TRDN: variants seen among roughly 807,000 people sequenced by gnomAD.
TRDN encodes the protein triadin.
Under a neutral mutation model 149.7 loss-of-function variants are expected in TRDN, and 161 were observed. The observed-to-expected ratio is 1.08, with a 90% confidence interval of 0.95 to 1.23. The LOEUF is 1.23. Ranked by LOEUF, TRDN falls within the 50% of genes most tolerant of loss-of-function variation. The pLI, the probability that TRDN is intolerant of heterozygous loss-of-function variation, is 0.00. For missense variants in TRDN, 896 were observed against 823.5 expected, an observed-to-expected ratio of 1.09 and a Z score of -1.08; for synonymous variants, 294 against 250.5, an observed-to-expected ratio of 1.17 and a Z score of -1.64.
At chr6:123,407,156 A>G (rs1327564100) in intron 12 of TRDN, among the ~76,000 whole-genome samples, 1 of 152,172 alleles carries the variant, frequency 6.6e-6, no homozygotes, top group African/African-American at 2.4e-5. Context: ...CGGGCAAGCT[A>G]TAGTGTCTGT....
intron 1 of TRDN, among the ~76,000 whole-genome samples, chr6:123,619,868 A>T (rs79936304): frequency 0.014 from 2,163 of 152,292 alleles, 22 homozygotes; most frequent in Non-Finnish European, 0.022. Flanking sequence ...AGATAAAAAA[A>T]CAGAACCCTG....
intron 27 of TRDN, 140 bp downstream of exon 27, chr6:123,274,501 T>G (rs1777305244): frequency 3.1e-6 from 2 of 646,164 alleles, no homozygotes; most frequent in Admixed American, 6.5e-5. Flanking sequence ...AAAATCATGT[T>G]GAGCAATGGA....
chr6:123,274,589 A>G (rs1777309412), intron 27 of TRDN, 52 bp downstream of exon 27: 2 of 1,516,790 alleles, frequency 1.3e-6, no homozygotes, highest in African/African-American at 2.8e-5. Flanking sequence ...AGTACTTAAT[A>G]AAATAAAGAT....
At chr6:123,543,995 A>G (rs1008616681) in intron 4 of TRDN, among the ~76,000 whole-genome samples, 1 of 152,070 alleles carries the variant, frequency 6.6e-6, no homozygotes, top group Admixed American at 6.6e-5. Flanking sequence ...ACATCCTGTA[A>G]TATATTAACC....
intron 4 of TRDN, among the ~76,000 whole-genome samples, chr6:123,545,936 A>G (rs1024777557): frequency 2.6e-5 from 4 of 152,166 alleles, no homozygotes; most frequent in African/African-American, 7.2e-5. Context: ...ATATCAATTT[A>G]TGAAAAACAT....
intron 4 of TRDN, among the ~76,000 whole-genome samples, chr6:123,545,666 G>A (rs1052695174): frequency 9.2e-5 from 14 of 151,914 alleles, no homozygotes; most frequent in Admixed American, 5.9e-4. Flanking sequence ...TAGTGCACAT[G>A]TGTTGAAGGA....
chr6:123,433,476 G>C (rs928053866), intron 12 of TRDN, among the ~76,000 whole-genome samples: 2 of 151,852 alleles, frequency 1.3e-5, no homozygotes, highest in Non-Finnish European at 2.9e-5. Flanking sequence ...TCAGCACCTA[G>C]TACAAAGCTT....
chr6:123,420,498 T>C lies in TRDN; in HGVS notation c.1051+17565A>G, dbSNP rs1462800536. 6.6e-5 allele frequency among the ~76,000 whole-genome samples: 10 copies of C among 152,298 alleles called. No individual in the cohort carries two copies. In the East Asian group the frequency reaches 1.9e-3, roughly 29 times the overall value. On this transcript the variant is annotated intron_variant, in intron 12 of 40. Coordinates refer to ENST00000334268, the MANE Select transcript of TRDN (RefSeq NM_006073.4). ...TTAATAGGTTTTATCTGCAATGTGT[T>C]TGAAAAGCTAATTAAGACTCCACAT...
At chr6:123,603,108 GAAC>G (rs1331628115) in intron 1 of TRDN, among the ~76,000 whole-genome samples, 2 of 41,374 alleles carry the variant, frequency 4.8e-5, no homozygotes, top group Admixed American at 8.0e-4. Context: ...ATAAATCAAA[GAAC>G]TACTGAAATC....
At chr6:123,263,538 G>A (rs1190449197) in intron 33 of TRDN, among the ~76,000 whole-genome samples, 4 of 152,022 alleles carry the variant, frequency 2.6e-5, no homozygotes, top group African/African-American at 4.8e-5. Context: ...GCCTTCTAGG[G>A]AGGATCACTT....
At chr6:123,525,703 A>T (rs4897273) in intron 5 of TRDN, among the ~76,000 whole-genome samples, 68,486 of 151,742 alleles carry the variant, frequency 0.45, 16,059 homozygotes, top group Admixed American at 0.57. Flanking sequence ...AAAGTTTTTT[A>T]AAAAAAACTT....
At chr6:123,522,337 T>A (rs1779722228) in intron 5 of TRDN, among the ~76,000 whole-genome samples, 1 of 152,066 alleles carries the variant, frequency 6.6e-6, no homozygotes, top group Admixed American at 6.6e-5. Context: ...TAAATTGACA[T>A]GTCTATTAGT....
intron 5 of TRDN, chr6:123,529,075 A>G: frequency 7.0e-7 from 1 of 1,436,184 alleles, no homozygotes; most frequent in East Asian, 2.5e-5. Context: ...ATTCTAATAT[A>G]GCCAGGTCCA....
intron 1 of TRDN, among the ~76,000 whole-genome samples, chr6:123,616,724 T>C (rs1036279023): frequency 4.6e-5 from 7 of 152,224 alleles, no homozygotes; most frequent in African/African-American, 1.7e-4. Context: ...CTGATACAAC[T>C]TGCTTTCCTG....
chr6:123,625,892 T>G (rs1034052389), intron 1 of TRDN, among the ~76,000 whole-genome samples: 1 of 152,108 alleles, frequency 6.6e-6, no homozygotes, highest in African/African-American at 2.4e-5. Flanking sequence ...AAGGTTGGAG[T>G]GGCTGAAGCA....
chr6:123,584,200 T>C (rs1470170453), intron 1 of TRDN, among the ~76,000 whole-genome samples: 4 of 152,068 alleles, frequency 2.6e-5, no homozygotes, highest in African/African-American at 4.8e-5. Context: ...CCAGGAACAA[T>C]GGTAATTGTG....
At chr6:123,244,242 G>A (rs192871836) in intron 38 of TRDN, among the ~76,000 whole-genome samples, 24 of 152,214 alleles carry the variant, frequency 1.6e-4, no homozygotes, top group African/African-American at 5.3e-4. Context: ...GACAGAAAAG[G>A]AGTTTGACGA....
intron 1 of TRDN, among the ~76,000 whole-genome samples, chr6:123,591,250 T>G (rs936690797): frequency 6.6e-6 from 1 of 150,752 alleles, no homozygotes; most frequent in East Asian, 1.9e-4. Context: ...AACCCAAATA[T>G]TTTTTTTTCT....
chr6:123,499,719 A>AAAAAAAAAAAAAAAAAATATAT, intron 8 of TRDN, among the ~76,000 whole-genome samples: 1 of 47,684 alleles, frequency 2.1e-5, no homozygotes, highest in Non-Finnish European at 4.5e-5. Context: ...AAAAAAAAAA[A>AAAAAAAAAAAAAAAAAATATAT]ATATATATAT....
Sources: allele counts gnomAD v4.1 joint callset (sites outside exome capture counted in the v4.1 genomes callset), GRCh38; gene constraint gnomAD v4.1.1; transcripts MANE v1.5; gene names NCBI Gene and HGNC (gene_info 2026-07-23, HGNC 2026-07-21).